Variants in ASB3 observed in about 807,000 individuals in gnomAD.
ASB3 encodes ankyrin repeat and SOCS box containing 3.
A neutral mutation model predicts 54.5 loss-of-function variants in ASB3; 41 were observed. That is an observed-to-expected ratio of 0.75 (90% confidence interval 0.59 to 0.98). The LOEUF (loss-of-function observed/expected upper bound fraction) is 0.98, where lower values mean the gene tolerates loss of function less well. Among genes scored for constraint, ASB3 ranks in the 50% least tolerant of loss-of-function variants. The pLI, the probability that ASB3 is intolerant of heterozygous loss-of-function variation, is 0.00. For synonymous variants in ASB3, 266 were observed against 221.2 expected, an observed-to-expected ratio of 1.20 and a Z score of -1.80; for missense variants, 733 against 620.0, an observed-to-expected ratio of 1.18 and a Z score of -1.94.
intron 2 of ASB3, among the ~76,000 whole-genome samples, chr2:53,763,044 C>G (rs1673232238): frequency 6.6e-6 from 1 of 152,106 alleles, no homozygotes; most frequent in South Asian, 2.1e-4. Flanking sequence ...GAATCTCTGA[C>G]AGTGTATTAA....
intron 3 of ASB3, among the ~76,000 whole-genome samples, chr2:53,739,124 T>A (rs1484220546): frequency 6.6e-6 from 1 of 152,228 alleles, no homozygotes; most frequent in Non-Finnish European, 1.5e-5. Context: ...AGACATTTTC[T>A]GGTTTTGAAA....
intron 5 of ASB3, among the ~76,000 whole-genome samples, chr2:53,725,156 G>T (rs1157502199): frequency 6.6e-6 from 1 of 152,150 alleles, no homozygotes; most frequent in African/African-American, 2.4e-5. Flanking sequence ...GCAGCTGGAG[G>T]CCATTATTCT....
chr2:53,733,150 C>T (rs918007802), intron 3 of ASB3, among the ~76,000 whole-genome samples: 8 of 152,036 alleles, frequency 5.3e-5, no homozygotes, highest in African/African-American at 1.9e-4. Flanking sequence ...AGTGGGAATA[C>T]AGATGAAATG....
intron 9 of ASB3, among the ~76,000 whole-genome samples, chr2:53,675,821 A>G (rs1423288431): frequency 2.0e-5 from 3 of 152,222 alleles, no homozygotes. Flanking sequence ...ACGTAACAAT[A>G]AAAATATTTC....
At chr2:53,740,432 T>C (rs1309868475) in intron 3 of ASB3, among the ~76,000 whole-genome samples, 1 of 152,208 alleles carries the variant, frequency 6.6e-6, no homozygotes, top group African/African-American at 2.4e-5. Context: ...TTTTCCAGTG[T>C]TGTCCATTTA....
At chr2:53,707,714 AC>A (rs1375113862) in intron 7 of ASB3, among the ~76,000 whole-genome samples, 1 of 151,186 alleles carries the variant, frequency 6.6e-6, no homozygotes, top group Non-Finnish European at 1.5e-5. Context: ...TAATCCCAAC[AC>A]TTTTGGGAGG....
At chr2:53,737,279 G>A (rs1671692166) in intron 3 of ASB3, among the ~76,000 whole-genome samples, 1 of 152,174 alleles carries the variant, frequency 6.6e-6, no homozygotes, top group Non-Finnish European at 1.5e-5. Context: ...ACAGTGAGCT[G>A]AAGTCCAAGT....
intron 5 of ASB3, among the ~76,000 whole-genome samples, chr2:53,720,671 T>A (rs911763871): frequency 6.6e-6 from 1 of 152,134 alleles, no homozygotes. Flanking sequence ...ATTAGACAGA[T>A]CACTGAGGCA....
At chr2:53,719,612 A>T (rs562426181) in intron 5 of ASB3, among the ~76,000 whole-genome samples, 1 of 150,900 alleles carries the variant, frequency 6.6e-6, no homozygotes, top group Admixed American at 6.6e-5. Context: ...AGACATTCCA[A>T]CCTCACCATA....
intron 1 of ASB3, among the ~76,000 whole-genome samples, chr2:53,783,083 T>G (rs2104228267): frequency 6.6e-6 from 1 of 152,294 alleles, no homozygotes; most frequent in South Asian, 2.1e-4. Flanking sequence ...AAGAATTTTT[T>G]TTTTTGAAGT....
chr2:53,745,037 G>C (rs1672149730), intron 3 of ASB3, among the ~76,000 whole-genome samples: 1 of 152,226 alleles, frequency 6.6e-6, no homozygotes, highest in Admixed American at 6.5e-5. Flanking sequence ...AATCACACTA[G>C]TTTGGATTTG....
chr2:53,772,063 C>T lies in ASB3; in HGVS notation c.-13-6478G>A, dbSNP rs1673958579. 4 of 630,414 alleles carry T rather than the reference C, an allele frequency of 6.3e-6. No individual in the cohort carries two copies. In the East Asian group the frequency reaches 1.2e-4, roughly 20 times the overall value. 39.1% of individuals were successfully genotyped at this position (630,414 alleles called of 1,614,324 possible). A position where few individuals can be genotyped will look rare whatever the true frequency, so the allele number is the denominator to read the frequency against. ...GAACTACCCTAAATTTAGAATTCTT[C>T]TCTGTATTTGTGGGTTTTTTTTGTG... On this transcript the variant is annotated intron_variant, in intron 1 of 9. Transcript: ENST00000263634.
chr2:53,718,674 C>T (rs1450746357), intron 5 of ASB3, among the ~76,000 whole-genome samples: 1 of 151,808 alleles, frequency 6.6e-6, no homozygotes, highest in African/African-American at 2.4e-5. Flanking sequence ...CAATATTAAC[C>T]TTGAATGTAA....
At chr2:53,741,446 A>C (rs1409744290) in intron 3 of ASB3, among the ~76,000 whole-genome samples, 1 of 152,242 alleles carries the variant, frequency 6.6e-6, no homozygotes, top group Non-Finnish European at 1.5e-5. Context: ...AGCACACTTT[A>C]TTTTAGCTGA....
intron 5 of ASB3, among the ~76,000 whole-genome samples, chr2:53,722,859 G>A (rs1572908209): frequency 1.3e-5 from 2 of 152,076 alleles, no homozygotes; most frequent in African/African-American, 4.8e-5. Context: ...GCAAGAGAAA[G>A]AAATAAAAGG....
chr2:53,685,102 G>C (rs1212402882), intron 9 of ASB3, among the ~76,000 whole-genome samples: 2 of 152,208 alleles, frequency 1.3e-5, no homozygotes, highest in Admixed American at 1.3e-4. Flanking sequence ...TGCCTTGCTA[G>C]AGTTTGTCCT....
intron 9 of ASB3, among the ~76,000 whole-genome samples, chr2:53,681,709 T>C (rs924729678): frequency 6.6e-6 from 1 of 152,282 alleles, no homozygotes; most frequent in Middle Eastern, 3.4e-3. Context: ...TTCTGTTTCA[T>C]TGGTCTATGT....
intron 1 of ASB3, among the ~76,000 whole-genome samples, 200 bp from the exon 2 acceptor site, chr2:53,765,785 TC>T (rs1558568866): frequency 6.6e-6 from 1 of 152,206 alleles, no homozygotes; most frequent in Non-Finnish European, 1.5e-5. Flanking sequence ...AGATTGGAAT[TC>T]CTTGGAAGGT....
At chr2:53,718,203 G>A (rs6747749) in intron 5 of ASB3, among the ~76,000 whole-genome samples, 36,382 of 151,938 alleles carry the variant, frequency 0.24, 4,399 homozygotes, top group Middle Eastern at 0.3. Context: ...CTCTGTGAAC[G>A]TGAATATCAC....
Sources: allele counts gnomAD v4.1 joint callset (sites outside exome capture counted in the v4.1 genomes callset), GRCh38; gene constraint gnomAD v4.1.1; transcripts MANE v1.5; gene names NCBI Gene and HGNC (gene_info 2026-07-23, HGNC 2026-07-21).